The following APPL2 variants were observed in gnomAD, a reference collection of about 807,000 sequenced individuals.
APPL2 encodes DCC-interacting protein 13-beta.
APPL2 carries 84 observed loss-of-function variants against 92.7 expected under a neutral mutation model. That is an observed-to-expected ratio of 0.91 (90% CI 0.76 to 1.09). APPL2 has a LOEUF of 1.09. Ranked by LOEUF, APPL2 falls within the 50% of genes least tolerant of loss-of-function variation. The probability of loss-of-function intolerance (pLI) is 0.00; values close to 1 mark genes in which losing one functional copy is unlikely to be tolerated. For missense variants in APPL2, 736 were observed against 824.5 expected (o/e 0.89, Z 1.31); for synonymous variants, 291 against 291.0 (o/e 1.00, Z 0.00).
intron 2 of APPL2, among the ~76,000 whole-genome samples, chr12:105,223,251 C>A (rs1780718345): frequency 6.6e-6 from 1 of 152,220 alleles, no homozygotes; most frequent in African/African-American, 2.4e-5. Context: ...CTAAAGCTAA[C>A]TCTGCACAGT....
intron 18 of APPL2, 35 bp downstream of exon 18, chr12:105,177,191 G>A: frequency 6.2e-7 from 1 of 1,611,108 alleles, no homozygotes; most frequent in Non-Finnish European, 8.5e-7. Context: ...GAATTAAGGA[G>A]TAATCACTAA....
intron 2 of APPL2, among the ~76,000 whole-genome samples, chr12:105,220,501 C>T (rs1890016656): frequency 6.6e-6 from 1 of 152,198 alleles, no homozygotes; most frequent in Non-Finnish European, 1.5e-5. Flanking sequence ...GCAGGAGGCT[C>T]TCTTAAGCTA....
Position 105,177,255 on chromosome 12 carries a change from C to T in APPL2, c.1642G>A (p.Asp548Asn). The T allele has an allele frequency of 1.2e-6, 2 of 1,613,700 alleles. No homozygotes were observed. Among genetic ancestry groups the T allele is most frequent in the Middle Eastern group, 1.6e-4 (1 of 6,062 alleles). ...MVTSQSLRLI[D>N]PQTQVSRANF... ...GCCCTTGATACTTGAGTCTGTGGAT[C>T]TATCAACCTGAAATTTTAAAAGATA... Residue 548 changes from aspartate (D) to asparagine (N), a missense_variant, in exon 18 of 21, where the codon GAT (aspartate) becomes AAT (asparagine). Asp to Asn is a conservative substitution (Grantham distance 23). Coordinates refer to ENST00000258530, the MANE Select transcript of APPL2 (RefSeq NM_018171.5).
In APPL2 at chr12:105,207,124, G is replaced by A. The variant is rs2293642; in HGVS notation, c.558C>T (p.Asn186=). ...CCATTTGCTTTCTGTACTGCAGCGC[G>A]TTGAGGGCACAGTAGTACTGAAGGG... ...LSSLQYYCAL[N]ALQYRKQMAM... is the part of the protein sequence containing the mutation. Residue 186 remains asparagine, a synonymous_variant, in exon 8 of 21, where the codon AAC becomes AAT. Coordinates refer to ENST00000258530, the MANE Select transcript of APPL2 (RefSeq NM_018171.5). The A allele has an allele frequency of 3.3e-3, 5,253 of 1,614,150 alleles. 256 individuals are homozygous for A. In the East Asian group the frequency reaches 0.097, roughly 30 times the overall value.
chr12:105,231,706 C>A (rs1046291838), intron 1 of APPL2, among the ~76,000 whole-genome samples: 2 of 152,224 alleles, frequency 1.3e-5, no homozygotes, highest in African/African-American at 2.4e-5. Context: ...GCCCACAATA[C>A]CTGCCAGAGA....
intron 17 of APPL2, 79 bp from the exon 18 acceptor site, chr12:105,177,341 A>G (rs1417020903): frequency 7.0e-7 from 1 of 1,424,396 alleles, no homozygotes; most frequent in South Asian, 1.2e-5. Flanking sequence ...GAAGTCCAGA[A>G]TAAATACAAA....
chr12:105,213,838 T>C (rs78482022), intron 4 of APPL2, among the ~76,000 whole-genome samples: 327 of 152,326 alleles, frequency 2.1e-3, no homozygotes, highest in African/African-American at 7.6e-3. Flanking sequence ...AAAGGTTTGT[T>C]TGAAAACTCC....
chr12:105,203,902 C>T (rs3736628), intron 8 of APPL2, 117 bp from the exon 9 acceptor site: 155,750 of 803,450 alleles, frequency 0.19, 15,698 homozygotes, highest in Admixed American at 0.24. Context: ...CCGCCTCGCA[C>T]GCGGCACTGG....
intron 3 of APPL2, among the ~76,000 whole-genome samples, 177 bp from the exon 4 acceptor site, chr12:105,217,317 G>A (rs1447818108): frequency 6.6e-6 from 1 of 152,140 alleles, no homozygotes; most frequent in African/African-American, 2.4e-5. Flanking sequence ...CCTGCCCCCA[G>A]GGTGCACTCA....
At chr12:105,206,744 T>TGG in intron 8 of APPL2, 1 of 225,342 alleles carries the variant, frequency 4.4e-6, no homozygotes, top group Admixed American at 5.2e-5. Context: ...CAGTGGTAGC[T>TGG]GCTTCTAGGA....
At chr12:105,197,651 C>T in intron 11 of APPL2, 114 bp downstream of exon 11, 1 of 1,312,514 alleles carries the variant, frequency 7.6e-7, no homozygotes, top group Non-Finnish European at 1.1e-6. Context: ...CAACAATACC[C>T]AGATTGGGGC....
chr12:105,183,912 G>C (rs1036885815), intron 17 of APPL2, among the ~76,000 whole-genome samples: 2 of 152,062 alleles, frequency 1.3e-5, no homozygotes, highest in African/African-American at 4.8e-5. Flanking sequence ...TATAGGTTTG[G>C]TCTTTTCACA....
intron 5 of APPL2, 55 bp downstream of exon 5, chr12:105,211,175 G>A (rs780673000): frequency 6.7e-6 from 8 of 1,193,692 alleles, no homozygotes; most frequent in Non-Finnish European, 1.0e-5. Flanking sequence ...GAATTATTAT[G>A]AAATGCATTA....
At chr12:105,187,030 T>C (rs1196643966) in intron 17 of APPL2, among the ~76,000 whole-genome samples, 1 of 152,194 alleles carries the variant, frequency 6.6e-6, no homozygotes, top group Admixed American at 6.5e-5. Context: ...ATTCTGTAGT[T>C]TTTCTTTTCA....
chr12:105,207,733 C>T (rs904935759), intron 7 of APPL2, among the ~76,000 whole-genome samples: 5 of 152,036 alleles, frequency 3.3e-5, no homozygotes, highest in African/African-American at 7.2e-5. Flanking sequence ...AAGTTAAAAC[C>T]CCTGTGTGAT....
chr12:105,176,638 T>C lies in APPL2; in HGVS notation c.1812+238A>G, dbSNP rs192595297. Among the ~76,000 whole-genome samples the C allele has an allele frequency of 7.9e-4, 120 of 152,320 alleles. No individual in the cohort carries two copies. The East Asian group carries it at 0.021, about 26-fold the overall frequency. The stretch of plus-strand genomic sequence containing the variant: ...TTCCTTATATCCCGACTAAATAATA[T>C]GTCTTGCCATGAAATTTCTTCCTCA... On this transcript the variant is annotated intron_variant, in intron 19 of 20. Transcript: ENST00000258530.
chr12:105,174,661 G>A (rs571468322), intron 20 of APPL2, among the ~76,000 whole-genome samples: 3 of 152,206 alleles, frequency 2.0e-5, no homozygotes, highest in East Asian at 1.9e-4. Flanking sequence ...TATTGTTTAC[G>A]TAGTCAATTC....
intron 17 of APPL2, among the ~76,000 whole-genome samples, chr12:105,185,092 C>T (rs547507770): frequency 9.9e-5 from 15 of 152,252 alleles, no homozygotes; most frequent in African/African-American, 2.2e-4. Context: ...TCAGTAATGG[C>T]GGATGCCCCT....
At position 105,217,027 on chromosome 12, in the gene APPL2, C is replaced by G. The variant is rs372088076; in HGVS notation, c.285+42G>C. 11 of 1,417,298 alleles carry G rather than the reference C, an allele frequency of 7.8e-6. No homozygotes were observed. In the East Asian group the frequency reaches 2.5e-4, roughly 33 times the overall value. The allele number at this position is 1,417,298 out of a possible 1,614,324, so 87.8% of individuals were successfully genotyped here. On this transcript the variant is annotated intron_variant, in intron 4 of 20. Coordinates refer to ENST00000258530, the MANE Select transcript of APPL2 (RefSeq NM_018171.5). ...GCCAAAATAACAACAAAAGAAAGTT[C>G]GAGAAAGAATCAAATACAAATTTTC...
Sources: allele counts gnomAD v4.1 joint callset (sites outside exome capture counted in the v4.1 genomes callset), GRCh38; gene constraint gnomAD v4.1.1; transcripts MANE v1.5; gene names NCBI Gene and HGNC (gene_info 2026-07-23, HGNC 2026-07-21).